Variants in TMEM132C observed in about 807,000 individuals in gnomAD.
TMEM132C encodes the protein protein phosphatase 1, regulatory subunit 152.
A neutral mutation model predicts 61.4 loss-of-function variants in TMEM132C; 29 were observed. That is an observed-to-expected ratio of 0.47 (90% CI 0.35 to 0.64). TMEM132C has a LOEUF of 0.64. Ranked by LOEUF, TMEM132C falls within the 30% of genes least tolerant of loss-of-function variation. The pLI is 0.00. For missense variants in TMEM132C, 1,408 were observed against 1,476.9 expected (o/e 0.95, Z 0.76); for synonymous variants, 656 against 633.1 (o/e 1.04, Z -0.54).
chr12:128,286,877 A>T (rs1037029608), intron 1 of TMEM132C, among the ~76,000 whole-genome samples: 15 of 152,220 alleles, frequency 9.9e-5, no homozygotes, highest in Admixed American at 9.2e-4. Context: ...TCCATTGAAC[A>T]GGATCCTGGA....
intron 8 of TMEM132C, among the ~76,000 whole-genome samples, chr12:128,702,037 C>T (rs1200450036): frequency 2.6e-5 from 4 of 151,738 alleles, no homozygotes; most frequent in Non-Finnish European, 5.9e-5. Context: ...GTAGCTAGGA[C>T]TACAGGCACC....
chr12:128,475,899 G>A (rs368817074), intron 2 of TMEM132C, among the ~76,000 whole-genome samples: 3 of 152,166 alleles, frequency 2.0e-5, no homozygotes, highest in African/African-American at 4.8e-5. Context: ...GCAAGTGACC[G>A]GGTTGGGATT....
At chr12:128,468,191 G>T (rs1421885221) in intron 2 of TMEM132C, among the ~76,000 whole-genome samples, 1 of 152,178 alleles carries the variant, frequency 6.6e-6, no homozygotes, top group African/African-American at 2.4e-5. Context: ...ACCAACCCCG[G>T]GGTGACAAGG....
chr12:128,550,770 A>G (rs984407178), intron 3 of TMEM132C, among the ~76,000 whole-genome samples: 30 of 152,206 alleles, frequency 2.0e-4, no homozygotes, highest in Admixed American at 1.8e-3. Context: ...GTCTGTAATC[A>G]TGGGGTTGGC....
intron 5 of TMEM132C, among the ~76,000 whole-genome samples, chr12:128,674,447 A>G (rs570815702): frequency 3.3e-5 from 5 of 152,242 alleles, no homozygotes; most frequent in Non-Finnish European, 5.9e-5. Flanking sequence ...GTGGACATAC[A>G]TTTTCATTCC....
At chr12:128,553,483 A>G (rs1874238132) in intron 3 of TMEM132C, among the ~76,000 whole-genome samples, 1 of 152,182 alleles carries the variant, frequency 6.6e-6, no homozygotes, top group Non-Finnish European at 1.5e-5. Context: ...TCAGTCTGTA[A>G]TATGTTACGT....
intron 2 of TMEM132C, among the ~76,000 whole-genome samples, chr12:128,417,905 A>G (rs1868836222): frequency 6.6e-6 from 1 of 152,200 alleles, no homozygotes; most frequent in Admixed American, 6.5e-5. Context: ...GTGTCTTTGT[A>G]TAATGACAGG....
At chr12:128,276,214 G>A (rs913624223) in intron 1 of TMEM132C, among the ~76,000 whole-genome samples, 5 of 152,126 alleles carry the variant, frequency 3.3e-5, no homozygotes, top group South Asian at 2.1e-4. Flanking sequence ...ATATAGTAAA[G>A]TTCAATAAAT....
chr12:128,401,056 T>G (rs1875142560), intron 1 of TMEM132C, among the ~76,000 whole-genome samples: 1 of 152,224 alleles, frequency 6.6e-6, no homozygotes, highest in East Asian at 1.9e-4. Context: ...TTGCCCTGTT[T>G]GATTTAGACC....
intron 2 of TMEM132C, among the ~76,000 whole-genome samples, chr12:128,506,256 C>T (rs545580315): frequency 2.6e-5 from 4 of 152,218 alleles, no homozygotes; most frequent in African/African-American, 9.6e-5. Context: ...TCAGCATCAT[C>T]TGCATTACAT....
At chr12:128,692,520 T>TTCAATTCA (rs1954727492) in intron 5 of TMEM132C, among the ~76,000 whole-genome samples, 1 of 152,222 alleles carries the variant, frequency 6.6e-6, no homozygotes, top group East Asian at 1.9e-4. Flanking sequence ...ATTTTCAGTT[T>TTCAATTCA]TCAATTCATC....
In TMEM132C at chr12:128,561,091, C is replaced by T. The variant is rs541308533; in HGVS notation, c.1121+16988C>T. ...TGGCTTCTTTCCTTCCCCCAGACCT[C>T]CCTGCCAGCTCTCCTCCTCTCAACA... On this transcript the variant is annotated intron_variant, in intron 3 of 8. Coordinates refer to ENST00000435159, the MANE Select transcript of TMEM132C (RefSeq NM_001136103.3). Among the ~76,000 whole-genome samples, 20 of 152,340 alleles carry T rather than the reference C, an allele frequency of 1.3e-4. No individual in the cohort carries two copies. In the South Asian group the frequency reaches 1.4e-3, roughly 11 times the overall value.
At chr12:128,679,036 C>G (rs1205781423) in intron 5 of TMEM132C, among the ~76,000 whole-genome samples, 1 of 152,172 alleles carries the variant, frequency 6.6e-6, no homozygotes, top group African/African-American at 2.4e-5. Context: ...GTGTCCTTAT[C>G]TCAGATATGG....
At chr12:128,664,383 G>C (rs1954436210) in intron 4 of TMEM132C, among the ~76,000 whole-genome samples, 1 of 152,120 alleles carries the variant, frequency 6.6e-6, no homozygotes, top group Non-Finnish European at 1.5e-5. Context: ...TTTCAAATTT[G>C]AAATGACCAT....
At chr12:128,621,023 T>G (rs547372069) in intron 4 of TMEM132C, among the ~76,000 whole-genome samples, 1 of 152,124 alleles carries the variant, frequency 6.6e-6, no homozygotes, top group South Asian at 2.1e-4. Flanking sequence ...AGCACGCCAC[T>G]AGAAAGGATG....
rs11059777 is a variant in TMEM132C, at chr12:128,581,948, C to T, written c.1122-34204C>T. Among the ~76,000 whole-genome samples the T allele has an allele frequency of 1.2e-3, 181 of 152,246 alleles. 7 individuals are homozygous for T. The East Asian group carries it at 0.027, about 22-fold the overall frequency. ...AGCCAAACAAGTGGCTTCAGCTCCGCGAATCCTTCCTACATTTCCTCAGCA... is the reference window on the plus strand; with the variant it reads ...AGCCAAACAAGTGGCTTCAGCTCCGTGAATCCTTCCTACATTTCCTCAGCA... On this transcript the variant is annotated intron_variant, in intron 3 of 8. Coordinates refer to ENST00000435159, the MANE Select transcript of TMEM132C (RefSeq NM_001136103.3).
Position 128,414,739 on chromosome 12 carries a change from G to A in TMEM132C, c.93G>A (p.Glu31=). 1 of 1,518,184 alleles carries A rather than the reference G, an allele frequency of 6.6e-7. No individual in the cohort carries two copies. The highest frequency in any genetic ancestry group is 1.4e-5 in the African/African-American group (1 of 72,340). The allele number at this position is 1,518,184 out of a possible 1,614,324, so 94.0% of individuals were successfully genotyped here. ...LLGALLGKVI[E]GHGVTDNIQR... The stretch of plus-strand genomic sequence containing the variant: ...TTCTTTTTCCCTTTTTAGTGATAGA[G>A]GGTCACGGGGTCACAGACAACATAC... Residue 31 remains glutamate, a synonymous_variant, in exon 2 of 9, where the codon GAG becomes GAA. Transcript: ENST00000435159.
intron 2 of TMEM132C, among the ~76,000 whole-genome samples, chr12:128,416,668 T>C (rs1400305409): frequency 6.6e-6 from 1 of 152,216 alleles, no homozygotes; most frequent in Non-Finnish European, 1.5e-5. Context: ...TTAAAGTTTT[T>C]TGTTTTTTCA....
chr12:128,705,548 C>G lies in TMEM132C; in HGVS notation c.2580C>G (p.Ala860=). The change falls in exon 9 of 9, where the codon GCC becomes GCG. Residue 860 remains alanine (A), a synonymous_variant. Transcript: ENST00000435159. ...CTCTCCGAAGAGCCACTACCACGGC[C>G]AGGTCCCTGCTGGACAACAAAGTGG... ...EGALRRATTT[A]RSLLDNKVVK... 6.4e-7 allele frequency: 1 copy of G among 1,551,102 alleles called. No homozygotes were observed. The highest frequency in any genetic ancestry group is 8.7e-7 in the Non-Finnish European group (1 of 1,146,982).
Sources: allele counts gnomAD v4.1 joint callset (sites outside exome capture counted in the v4.1 genomes callset), GRCh38; gene constraint gnomAD v4.1.1; transcripts MANE v1.5; gene names NCBI Gene and HGNC (gene_info 2026-07-23, HGNC 2026-07-21).